ASIC2: variants seen among roughly 807,000 people sequenced by gnomAD.
The protein encoded by ASIC2 is acid sensing ion channel subunit 2.
A neutral mutation model predicts 57.3 loss-of-function variants in ASIC2; 25 were observed. The observed-to-expected ratio is 0.44, with a 90% CI of 0.32 to 0.61. The LOEUF (loss-of-function observed/expected upper bound fraction) is 0.61, where lower values mean the gene tolerates loss of function less well. Among genes scored for constraint, ASIC2 ranks in the 20% least tolerant of loss-of-function variants. ASIC2 has a pLI of 0.06. For synonymous variants in ASIC2, 319 were observed against 307.5 expected, an observed-to-expected ratio of 1.04 and a Z score of -0.39; for missense variants, 641 against 738.1, an observed-to-expected ratio of 0.87 and a Z score of 1.52.
At chr17:33,814,839 G>A (rs1477823848) in intron 1 of ASIC2, among the ~76,000 whole-genome samples, 1 of 152,236 alleles carries the variant, frequency 6.6e-6, no homozygotes, top group Non-Finnish European at 1.5e-5. Context: ...GTCTGTGCTA[G>A]TAGTGTCTTT....
intron 1 of ASIC2, among the ~76,000 whole-genome samples, chr17:33,168,998 T>A (rs1905406636): frequency 6.6e-6 from 1 of 152,196 alleles, no homozygotes. Flanking sequence ...AGGATGCCTG[T>A]CCCATCACAG....
At chr17:33,764,667 C>G (rs1239563023) in intron 1 of ASIC2, among the ~76,000 whole-genome samples, 2 of 152,120 alleles carry the variant, frequency 1.3e-5, no homozygotes, top group Non-Finnish European at 2.9e-5. Flanking sequence ...CCATGATAAC[C>G]TATTCATCCT....
chr17:33,186,352 C>A (rs1445608055), intron 1 of ASIC2, among the ~76,000 whole-genome samples: 1 of 152,180 alleles, frequency 6.6e-6, no homozygotes, highest in Non-Finnish European at 1.5e-5. Context: ...CTCAAATGAT[C>A]TGCCCAACTC....
chr17:34,142,549 A>T (rs1413841724), intron 1 of ASIC2, among the ~76,000 whole-genome samples: 3 of 152,230 alleles, frequency 2.0e-5, no homozygotes. Context: ...AGTTGTATAC[A>T]ATTGTAGTGT....
At chr17:33,995,674 A>G (rs1007904450) in intron 1 of ASIC2, among the ~76,000 whole-genome samples, 32 of 152,060 alleles carry the variant, frequency 2.1e-4, no homozygotes, top group Non-Finnish European at 4.6e-4. Flanking sequence ...GTGTGTGTGT[A>G]TATACACACA....
chr17:33,164,591 C>CAA, intron 1 of ASIC2, among the ~76,000 whole-genome samples: 1 of 151,994 alleles, frequency 6.6e-6, no homozygotes, highest in East Asian at 1.9e-4. Context: ...CACACACACA[C>CAA]ACACACACAC....
chr17:33,852,395 C>T (rs79106462), intron 1 of ASIC2, among the ~76,000 whole-genome samples: 11,901 of 152,138 alleles, frequency 0.078, 585 homozygotes, highest in African/African-American at 0.14. Context: ...TCAGAGGTTG[C>T]TGACCACCTA....
At chr17:33,549,420 T>A (rs1176796493) in intron 1 of ASIC2, among the ~76,000 whole-genome samples, 1 of 152,180 alleles carries the variant, frequency 6.6e-6, no homozygotes, top group Non-Finnish European at 1.5e-5. Context: ...TCAAGAATCA[T>A]CAGGATTCCT....
chr17:33,757,108 C>T (rs1360696082), intron 1 of ASIC2, among the ~76,000 whole-genome samples: 4 of 152,146 alleles, frequency 2.6e-5, no homozygotes, highest in Admixed American at 6.5e-5. Context: ...AGAGGGAGAA[C>T]GCCCAGGGAG....
chr17:33,719,991 C>G (rs1055863484), intron 1 of ASIC2, among the ~76,000 whole-genome samples: 3 of 152,222 alleles, frequency 2.0e-5, no homozygotes, highest in African/African-American at 7.2e-5. Context: ...AAGTGATACT[C>G]TTGCCTCAGC....
At chr17:33,144,062 A>G (rs1904439788) in intron 1 of ASIC2, among the ~76,000 whole-genome samples, 1 of 151,474 alleles carries the variant, frequency 6.6e-6, no homozygotes, top group South Asian at 2.1e-4. Flanking sequence ...ATATTATAAG[A>G]CCCTACTTTC....
At chr17:33,153,242 C>T (rs773217439) in intron 1 of ASIC2, among the ~76,000 whole-genome samples, 14 of 152,216 alleles carry the variant, frequency 9.2e-5, no homozygotes, top group South Asian at 2.1e-4. Context: ...GGGTTCTCCC[C>T]GATGCTCTGC....
intron 1 of ASIC2, among the ~76,000 whole-genome samples, chr17:33,847,053 C>A (rs1245194460): frequency 6.6e-6 from 1 of 151,964 alleles, no homozygotes; most frequent in Non-Finnish European, 1.5e-5. Context: ...GGAGGAGTCT[C>A]CAGTTCCAGC....
chr17:33,993,859 C>A (rs772276906), intron 1 of ASIC2, among the ~76,000 whole-genome samples: 1 of 152,120 alleles, frequency 6.6e-6, no homozygotes, highest in Non-Finnish European at 1.5e-5. Context: ...ATGCTGTGGA[C>A]GGGCTTTTTC....
intron 1 of ASIC2, among the ~76,000 whole-genome samples, chr17:33,866,588 CTTAAG>C (rs1464365528): frequency 6.6e-6 from 1 of 152,132 alleles, no homozygotes; most frequent in African/African-American, 2.4e-5. Flanking sequence ...TTCCAGGTTT[CTTAAG>C]TTAATTTTAT....
At chr17:33,356,044 C>T (rs751626297) in intron 1 of ASIC2, among the ~76,000 whole-genome samples, 2 of 152,066 alleles carry the variant, frequency 1.3e-5, no homozygotes, top group Non-Finnish European at 2.9e-5. Context: ...AGGAGACAAC[C>T]CAGAGTAGGG....
intron 1 of ASIC2, among the ~76,000 whole-genome samples, chr17:33,177,854 T>C (rs968127471): frequency 6.6e-6 from 1 of 152,150 alleles, no homozygotes; most frequent in Non-Finnish European, 1.5e-5. Flanking sequence ...GTCAGAGCCC[T>C]AGTCTCAAAG....
intron 1 of ASIC2, among the ~76,000 whole-genome samples, chr17:33,902,198 G>T (rs75983146): frequency 1.1e-3 from 167 of 152,242 alleles, no homozygotes; most frequent in Non-Finnish European, 2.1e-3. Context: ...ATTGAGAATT[G>T]TTACTGAAAG....
chr17:33,569,709 G>A (rs1437157615), intron 1 of ASIC2, among the ~76,000 whole-genome samples: 1 of 151,534 alleles, frequency 6.6e-6, no homozygotes, highest in East Asian at 1.9e-4. Flanking sequence ...CTTCTTTTTG[G>A]TGCATATCAT....
Sources: allele counts gnomAD v4.1 joint callset (sites outside exome capture counted in the v4.1 genomes callset), GRCh38; gene constraint gnomAD v4.1.1; transcripts MANE v1.5; gene names NCBI Gene and HGNC (gene_info 2026-07-23, HGNC 2026-07-21).